NPSR1: variants seen among roughly 807,000 people sequenced by gnomAD.
NPSR1 encodes the protein neuropeptide S receptor.
NPSR1 carries 48 observed loss-of-function variants against 46.9 expected under a neutral mutation model. That is an observed-to-expected ratio of 1.02 (90% CI 0.81 to 1.30). The LOEUF (loss-of-function observed/expected upper bound fraction) is 1.30, where lower values mean the gene tolerates loss of function less well. Among genes scored for constraint, NPSR1 ranks in the 50% most tolerant of loss-of-function variants. NPSR1 has a pLI of 0.00. For synonymous variants in NPSR1, 176 were observed against 168.1 expected (o/e 1.05, Z -0.36); for missense variants, 450 against 449.5 (o/e 1.00, Z -0.01).
chr7:34,692,897 C>T (rs1793336624), intron 2 of NPSR1, among the ~76,000 whole-genome samples: 1 of 152,130 alleles, frequency 6.6e-6, no homozygotes, highest in Admixed American at 6.5e-5. Flanking sequence ...GATGTGTGTC[C>T]TAGACCAAAT....
At chr7:34,784,431 AT>A (rs1479343304) in intron 3 of NPSR1, among the ~76,000 whole-genome samples, 2 of 152,044 alleles carry the variant, frequency 1.3e-5, no homozygotes, top group Non-Finnish European at 2.9e-5. Flanking sequence ...TTCTGCATCT[AT>A]TGAGATAATC....
chr7:34,838,455 G>A (rs765351316), intron 6 of NPSR1, among the ~76,000 whole-genome samples: 3 of 152,092 alleles, frequency 2.0e-5, no homozygotes, highest in Non-Finnish European at 2.9e-5. Context: ...TATCTTATTC[G>A]TAAAAGGAAC....
intron 2 of NPSR1, among the ~76,000 whole-genome samples, chr7:34,705,593 ATGT>A (rs1294334840): frequency 7.1e-6 from 1 of 140,548 alleles, no homozygotes; most frequent in Non-Finnish European, 1.5e-5. Flanking sequence ...TTGTGTATGT[ATGT>A]TGATCTCTCT....
At chr7:34,799,133 A>T (rs968143249) in intron 3 of NPSR1, among the ~76,000 whole-genome samples, 2 of 152,154 alleles carry the variant, frequency 1.3e-5, no homozygotes, top group Non-Finnish European at 2.9e-5. Context: ...ATTGAAGTAG[A>T]ATTTAAATTT....
downstream of NPSR1, among the ~76,000 whole-genome samples, chr7:34,852,115 C>T (rs1412512995): frequency 2.0e-5 from 3 of 152,000 alleles, no homozygotes; most frequent in Non-Finnish European, 4.4e-5. Flanking sequence ...GGCTAACACA[C>T]GGTGAAACCC....
At chr7:34,663,702 C>T (rs1791588191) in intron 1 of NPSR1, among the ~76,000 whole-genome samples, 1 of 152,340 alleles carries the variant, frequency 6.6e-6, no homozygotes, top group South Asian at 2.1e-4. Context: ...TCTTCCATCG[C>T]CCTCAGCGAC....
At chr7:34,836,343 A>T (rs1041101675) in intron 6 of NPSR1, among the ~76,000 whole-genome samples, 10 of 152,198 alleles carry the variant, frequency 6.6e-5, no homozygotes, top group African/African-American at 2.4e-4. Flanking sequence ...TATAATTATA[A>T]TACTAAAATC....
intron 1 of NPSR1, among the ~76,000 whole-genome samples, chr7:34,664,566 G>A (rs1562635863): frequency 6.6e-6 from 1 of 151,932 alleles, no homozygotes; most frequent in Non-Finnish European, 1.5e-5. Flanking sequence ...TCGATATGCA[G>A]GTGGTCCTCA....
chr7:34,872,578 C>A (rs1375652084), intron 8 of NPSR1, among the ~76,000 whole-genome samples: 2 of 151,758 alleles, frequency 1.3e-5, no homozygotes, highest in Non-Finnish European at 2.9e-5. Flanking sequence ...ACTGGGTGAT[C>A]TATTCAGGAA....
intron 4 of NPSR1, among the ~76,000 whole-genome samples, chr7:34,826,875 C>T (rs1187338188): frequency 7.6e-6 from 1 of 131,906 alleles, no homozygotes; most frequent in Non-Finnish European, 1.6e-5. Context: ...GTAAGTCCAC[C>T]CATGTTCCTA....
At chr7:34,674,072 G>A (rs370721825) in intron 1 of NPSR1, among the ~76,000 whole-genome samples, 1 of 152,152 alleles carries the variant, frequency 6.6e-6, no homozygotes, top group East Asian at 1.9e-4. Context: ...GGCTGTCAGG[G>A]AGAAAAATGG....
intron 8 of NPSR1, among the ~76,000 whole-genome samples, chr7:34,865,114 C>T (rs1791281675): frequency 1.3e-5 from 2 of 151,874 alleles, no homozygotes; most frequent in African/African-American, 4.9e-5. Flanking sequence ...GGCAAAGCCA[C>T]CAGATGGAAG....
At chr7:34,711,922 A>G (rs946688858) in intron 2 of NPSR1, among the ~76,000 whole-genome samples, 10 of 152,226 alleles carry the variant, frequency 6.6e-5, no homozygotes, top group Admixed American at 3.3e-4. Flanking sequence ...TTTGCAAAAG[A>G]TGGCTGGGTC....
Position 34,849,657 on chromosome 7 carries a change from C to A in NPSR1, c.*2C>A, listed in dbSNP as rs779418760. 5 of 1,614,050 alleles carry A rather than the reference C, an allele frequency of 3.1e-6. No homozygotes were observed. In the South Asian group the frequency reaches 4.4e-5, roughly 14 times the overall value. The stretch of plus-strand genomic sequence containing the variant: ...CTGTCCAAGCCAGAATTCATCTAGA[C>A]CCTAGGGCAGTGCCAGTGCTAGGCT... On this transcript the variant is annotated 3_prime_UTR_variant, in exon 9 of 9. Transcript: ENST00000360581.
chr7:34,810,555 T>C (rs1410234726), intron 3 of NPSR1, among the ~76,000 whole-genome samples: 2 of 152,198 alleles, frequency 1.3e-5, no homozygotes, highest in Non-Finnish European at 2.9e-5. Context: ...TCAGTGCTGA[T>C]GATGATAAAT....
At position 34,789,597 on chromosome 7, in the gene NPSR1, A is replaced by G. The variant is rs551991345; in HGVS notation, c.384+11032A>G. Among the ~76,000 whole-genome samples, 3 of 152,014 alleles carry G rather than the reference A, an allele frequency of 2.0e-5. No homozygotes were observed. The East Asian group carries it at 5.8e-4, about 30-fold the overall frequency. On this transcript the variant is annotated intron_variant, in intron 3 of 8. Coordinates refer to ENST00000360581, the MANE Select transcript of NPSR1 (RefSeq NM_207172.2). ...CACCTGAGGTCAGGAGTTTGACACCAGCCTGACCAACATGCAGAAACCCCG... is the reference window on the plus strand; with the variant it reads ...CACCTGAGGTCAGGAGTTTGACACCGGCCTGACCAACATGCAGAAACCCCG...
At chr7:34,877,151 G>T (rs1468650538) in intron 8 of NPSR1, among the ~76,000 whole-genome samples, 1 of 152,160 alleles carries the variant, frequency 6.6e-6, no homozygotes, top group Admixed American at 6.5e-5. Flanking sequence ...AAAGGATCTG[G>T]ATCTCAGCAT....
At chr7:34,704,643 G>A (rs1228609123) in intron 2 of NPSR1, among the ~76,000 whole-genome samples, 1 of 152,212 alleles carries the variant, frequency 6.6e-6, no homozygotes, top group Admixed American at 6.5e-5. Context: ...TTGGGAGTCA[G>A]CCCACAGTTT....
At chr7:34,704,650 G>A (rs571050466) in intron 2 of NPSR1, among the ~76,000 whole-genome samples, 1 of 152,216 alleles carries the variant, frequency 6.6e-6, no homozygotes, top group East Asian at 1.9e-4. Context: ...TCAGCCCACA[G>A]TTTCTTGTGT....
Sources: allele counts gnomAD v4.1 joint callset (sites outside exome capture counted in the v4.1 genomes callset), GRCh38; gene constraint gnomAD v4.1.1; transcripts MANE v1.5; gene names NCBI Gene and HGNC (gene_info 2026-07-23, HGNC 2026-07-21).